MIPOL1: variants seen among roughly 807,000 people sequenced by gnomAD.
The protein encoded by MIPOL1 is mirror-image polydactyly 1.
In MIPOL1, 57 loss-of-function variants were observed where a neutral mutation model predicts 60.9. The observed-to-expected ratio is 0.94, with a 90% CI of 0.76 to 1.17. The LOEUF is 1.17. Ranked by LOEUF, MIPOL1 falls within the 50% of genes most tolerant of loss-of-function variation. The pLI is 0.00. For synonymous variants in MIPOL1, 179 were observed against 168.8 expected (o/e 1.06, Z -0.47); for missense variants, 551 against 511.6 (o/e 1.08, Z -0.74).
chr14:37,353,802 T>C (rs1416484645), intron 9 of MIPOL1, among the ~76,000 whole-genome samples: 1 of 152,184 alleles, frequency 6.6e-6, no homozygotes, highest in Non-Finnish European at 1.5e-5. Context: ...TCTCTTTTTT[T>C]CTTTATTAGT....
chr14:37,425,747 A>G (rs988484751), intron 11 of MIPOL1, among the ~76,000 whole-genome samples: 1 of 152,240 alleles, frequency 6.6e-6, no homozygotes, highest in Non-Finnish European at 1.5e-5. Context: ...ACCAAAAAAT[A>G]TATCACTGAA....
Position 37,499,965 on chromosome 14 carries a change from T to A in MIPOL1, c.1089T>A (p.Leu363=), listed in dbSNP as rs2095191828. Residue 363 remains leucine (L), a synonymous_variant, in exon 12 of 13, where the codon CTT becomes CTA. Transcript: ENST00000684589. ...ENLKDQFNYT[L]STYEEALKNR... is the part of the protein sequence containing the mutation. ...TGAAGGATCAGTTTAACTATACCCT[T>A]AGTACATATGAAGAAGCTTTAAAAA... The A allele has an allele frequency of 1.2e-6, 2 of 1,612,758 alleles. No individual in the cohort carries two copies. Among genetic ancestry groups the A allele is most frequent in the Non-Finnish European group, 1.7e-6 (2 of 1,178,818 alleles).
In MIPOL1 at chr14:37,398,851, A is replaced by C. The variant is rs1346312098; in HGVS notation, c.937-24004A>C. On this transcript the variant is annotated intron_variant, in intron 10 of 12. Coordinates refer to ENST00000684589, the MANE Select transcript of MIPOL1 (RefSeq NM_001388067.1). Reference sequence around the variant, plus strand: ...TTATGTACCCCAGAAAAGGCAGATAAATGAGGAAAGTCTAGTCTTTATTTG... The same window carrying C: ...TTATGTACCCCAGAAAAGGCAGATACATGAGGAAAGTCTAGTCTTTATTTG... Among the ~76,000 whole-genome samples the C allele has an allele frequency of 2.6e-5, 4 of 152,300 alleles. No homozygotes were observed. The East Asian group carries it at 7.7e-4, about 29-fold the overall frequency.
At chr14:37,212,342 C>G (rs1194648551) in intron 1 of MIPOL1, 1 of 152,122 alleles carries the variant, frequency 6.6e-6, no homozygotes, top group African/African-American at 2.4e-5. Flanking sequence ...AGAGAGGAGA[C>G]CACTTCCCTT....
At chr14:37,371,816 T>G (rs2092647732) in intron 10 of MIPOL1, among the ~76,000 whole-genome samples, 1 of 152,182 alleles carries the variant, frequency 6.6e-6, no homozygotes, top group Non-Finnish European at 1.5e-5. Context: ...GTTTTTGTTT[T>G]TTATTTGATG....
chr14:37,361,790 G>A (rs555868125), intron 9 of MIPOL1, among the ~76,000 whole-genome samples: 2 of 151,580 alleles, frequency 1.3e-5, no homozygotes, highest in South Asian at 2.1e-4. Context: ...TGTATTTTTC[G>A]TAGAGTCCGG....
intron 1 of MIPOL1, among the ~76,000 whole-genome samples, chr14:37,237,014 C>T (rs1274556216): frequency 6.6e-6 from 1 of 152,082 alleles, no homozygotes; most frequent in Non-Finnish European, 1.5e-5. Flanking sequence ...CCCTGGTATA[C>T]TTGGCTGCTT....
intron 12 of MIPOL1, among the ~76,000 whole-genome samples, chr14:37,524,869 GAA>G (rs2095437741): frequency 6.6e-6 from 1 of 151,832 alleles, no homozygotes; most frequent in Non-Finnish European, 1.5e-5. Context: ...CACCCGGCCT[GAA>G]GCTTATTTTA....
At chr14:37,482,685 C>T (rs146188588) in intron 11 of MIPOL1, among the ~76,000 whole-genome samples, 20 of 152,334 alleles carry the variant, frequency 1.3e-4, no homozygotes, top group African/African-American at 4.3e-4. Context: ...GAACTAGTCA[C>T]CTCTCACCAG....
At chr14:37,470,476 A>G (rs2094669377) in intron 11 of MIPOL1, among the ~76,000 whole-genome samples, 1 of 151,908 alleles carries the variant, frequency 6.6e-6, no homozygotes, top group African/African-American at 2.4e-5. Flanking sequence ...GTTTTAAAGT[A>G]TGTATCACCT....
At chr14:37,356,815 C>G (rs1033637582) in intron 9 of MIPOL1, among the ~76,000 whole-genome samples, 7 of 152,150 alleles carry the variant, frequency 4.6e-5, no homozygotes, top group Admixed American at 1.3e-4. Context: ...TCTGGCAGTC[C>G]CTAGTGAGAT....
chr14:37,317,306 A>C (rs1377243384), intron 9 of MIPOL1, among the ~76,000 whole-genome samples: 1 of 152,178 alleles, frequency 6.6e-6, no homozygotes, highest in Non-Finnish European at 1.5e-5. Context: ...TTTCTATATA[A>C]ATGAACATAA....
chr14:37,255,098 T>G (rs1224147630), intron 3 of MIPOL1, among the ~76,000 whole-genome samples: 1 of 151,916 alleles, frequency 6.6e-6, no homozygotes, highest in Non-Finnish European at 1.5e-5. Context: ...TCCTCATTTA[T>G]TTCTGGTTAT....
chr14:37,431,069 TTGTATTAGAA>T (rs1221438598), intron 11 of MIPOL1, among the ~76,000 whole-genome samples: 1 of 152,218 alleles, frequency 6.6e-6, no homozygotes, highest in Non-Finnish European at 1.5e-5. Flanking sequence ...GACCCAGAGT[TTGTATTAGAA>T]TGGGCTTGCT....
intron 1 of MIPOL1, among the ~76,000 whole-genome samples, chr14:37,230,983 CTG>C (rs1970541217): frequency 6.6e-6 from 1 of 152,048 alleles, no homozygotes; most frequent in Admixed American, 6.6e-5. Context: ...TTCCGGTTAT[CTG>C]TGGAGAATGT....
chr14:37,358,343 G>T (rs147924665), intron 9 of MIPOL1, among the ~76,000 whole-genome samples: 1 of 151,978 alleles, frequency 6.6e-6, no homozygotes, highest in African/African-American at 2.4e-5. Flanking sequence ...TAATCCTTTG[G>T]GTATATATCC....
chr14:37,429,201 A>G (rs1298719346), intron 11 of MIPOL1, among the ~76,000 whole-genome samples: 1 of 152,140 alleles, frequency 6.6e-6, no homozygotes, highest in Non-Finnish European at 1.5e-5. Flanking sequence ...CAGGAGGCAT[A>G]ATAATAACAA....
intron 12 of MIPOL1, among the ~76,000 whole-genome samples, chr14:37,510,080 G>A (rs1379798958): frequency 6.6e-6 from 1 of 151,628 alleles, no homozygotes; most frequent in Non-Finnish European, 1.5e-5. Flanking sequence ...TAGACTATAT[G>A]TATGTGTAAA....
At chr14:37,360,190 A>G (rs1280436965) in intron 9 of MIPOL1, among the ~76,000 whole-genome samples, 1 of 152,020 alleles carries the variant, frequency 6.6e-6, no homozygotes, top group African/African-American at 2.4e-5. Context: ...TTGGCGGATA[A>G]GCTTTTTGAT....
Sources: gnomAD v4.1 joint callset for allele counts (sites outside exome capture counted in the v4.1 genomes callset) on GRCh38, gnomAD v4.1.1 for gene constraint, MANE v1.5 for transcripts, NCBI Gene and HGNC (gene_info 2026-07-23, HGNC 2026-07-21) for gene names.